NSL1: variants seen among roughly 807,000 people sequenced by gnomAD.
NSL1 encodes the protein kinetochore-associated protein NSL1 homolog.
In NSL1, 11 loss-of-function variants were observed where a neutral mutation model predicts 25.4. The ratio of observed to expected loss-of-function variants is 0.43; its 90% CI spans 0.27 to 0.72. The LOEUF (loss-of-function observed/expected upper bound fraction) is 0.72. Ranked by LOEUF, NSL1 falls within the 30% of genes least tolerant of loss-of-function variation. NSL1 has a pLI of 0.19. For synonymous variants in NSL1, 118 were observed against 120.6 expected (o/e 0.98, Z 0.14); for missense variants, 330 against 342.7 (o/e 0.96, Z 0.29).
chr1:212,732,206 C>G lies in NSL1; in HGVS notation c.*6202G>C. 1.0e-6 allele frequency: 1 copy of G among 982,892 alleles called. No individual in the cohort carries two copies. Among genetic ancestry groups the G allele is most frequent in the Non-Finnish European group, 1.2e-6 (1 of 827,806 alleles). The allele number at this position is 982,892 out of a possible 1,614,324, so 60.9% of individuals were successfully genotyped here. A position where few individuals can be genotyped will look rare whatever the true frequency, so the allele number is the denominator to read the frequency against. ...TTTTTGTTTCTTTGAACATCTTAATCATATTACAAAACATCTCCTTTATAC... is the reference window on the plus strand; with the variant it reads ...TTTTTGTTTCTTTGAACATCTTAATGATATTACAAAACATCTCCTTTATAC... On this transcript the variant is annotated 3_prime_UTR_variant, in exon 6 of 6. Coordinates refer to ENST00000366977, the MANE Select transcript of NSL1 (RefSeq NM_015471.4).
intron 1 of NSL1, 49 bp from the exon 2 acceptor site, chr1:212,787,686 T>A: frequency 1.5e-6 from 2 of 1,325,752 alleles, no homozygotes; most frequent in Middle Eastern, 1.9e-4. Flanking sequence ...TTTTAAATAC[T>A]AAATTCAAAC....
chr1:212,771,993 T>C (rs1026311593), intron 4 of NSL1, among the ~76,000 whole-genome samples: 1 of 152,168 alleles, frequency 6.6e-6, no homozygotes, highest in Non-Finnish European at 1.5e-5. Flanking sequence ...CATACTGCTC[T>C]TGTAACAGTG....
intron 4 of NSL1, among the ~76,000 whole-genome samples, chr1:212,772,182 C>A (rs928016509): frequency 6.6e-6 from 1 of 152,170 alleles, no homozygotes; most frequent in Non-Finnish European, 1.5e-5. Context: ...ATAAATTACC[C>A]AGTGTCAGGT....
At chr1:212,766,413 T>C (rs1457289314) in intron 4 of NSL1, 1 of 422,596 alleles carries the variant, frequency 2.4e-6, no homozygotes, top group African/African-American at 2.1e-5. Flanking sequence ...GCCAGTGATA[T>C]GATCGTATAC....
At chr1:212,778,366 A>G (rs1660477560) in intron 4 of NSL1, among the ~76,000 whole-genome samples, 1 of 152,186 alleles carries the variant, frequency 6.6e-6, no homozygotes. Flanking sequence ...TGAAAAACAG[A>G]CAACCCTCTT....
At chr1:212,741,111 C>T (rs1370735913) in intron 4 of NSL1, among the ~76,000 whole-genome samples, 2 of 151,998 alleles carry the variant, frequency 1.3e-5, no homozygotes, top group African/African-American at 4.8e-5. Flanking sequence ...AGGATCCTTG[C>T]CTTGAAATAA....
chr1:212,752,562 TA>T (rs11308975), intron 4 of NSL1, among the ~76,000 whole-genome samples: 95,715 of 151,936 alleles, frequency 0.63, 30,673 homozygotes, highest in Non-Finnish European at 0.69. Context: ...AAAGAACTTT[TA>T]AAAAAAGGCA....
rs1657853660 is a variant in NSL1, at chr1:212,727,941, T to C, written c.*10467A>G. Reference sequence around the variant, plus strand: ...CAACGAGGTCGCTGTGGTGTAGCGGTGAGAGCGTCTGAGACTCTGGACAAG... The same window carrying C: ...CAACGAGGTCGCTGTGGTGTAGCGGCGAGAGCGTCTGAGACTCTGGACAAG... On this transcript the variant is annotated 3_prime_UTR_variant, in exon 6 of 6. Coordinates refer to ENST00000366977, the MANE Select transcript of NSL1 (RefSeq NM_015471.4). 1.0e-6 allele frequency: 1 copy of C among 985,390 alleles called. No individual in the cohort carries two copies. The allele number at this position is 985,390 out of a possible 1,614,324, so 61.0% of individuals were successfully genotyped here. A position where few individuals can be genotyped will look rare whatever the true frequency, so the allele number is the denominator to read the frequency against.
chr1:212,738,023 T>TC lies in NSL1; in HGVS notation c.*384dup. ...CGAAAAATCATTATACAGCTCTCTC[T>TC]CTTTTTTTTTTTTTTCCTAGAAAGA... On this transcript the variant is annotated 3_prime_UTR_variant, in exon 6 of 6. Coordinates refer to ENST00000366977, the MANE Select transcript of NSL1 (RefSeq NM_015471.4). 1 of 932,378 alleles carries TC rather than the reference T, an allele frequency of 1.1e-6. No individual in the cohort carries two copies. The highest frequency in any genetic ancestry group is 1.2e-6 in the Non-Finnish European group (1 of 803,386). 57.8% of individuals were successfully genotyped at this position (932,378 alleles called of 1,614,324 possible).
chr1:212,776,120 A>G (rs1660355338), intron 4 of NSL1, among the ~76,000 whole-genome samples: 1 of 152,158 alleles, frequency 6.6e-6, no homozygotes, highest in African/African-American at 2.4e-5. Flanking sequence ...CAGCCCGTAA[A>G]TTGTGTTTTT....
intron 4 of NSL1, among the ~76,000 whole-genome samples, chr1:212,762,025 C>T (rs113674097): frequency 0.02 from 2,989 of 150,124 alleles, 113 homozygotes; most frequent in African/African-American, 0.07. Context: ...CAGCTGGGCG[C>T]GGTGGCTCAT....
chr1:212,791,592 G>A lies in NSL1; in HGVS notation c.172C>T (p.Gln58Ter), dbSNP rs746294820. Residue 58 changes from glutamine (Q) to a stop codon, truncating the protein, a stop_gained, in exon 1 of 6, where the codon CAA becomes TAA. Coordinates refer to ENST00000366977, the MANE Select transcript of NSL1 (RefSeq NM_015471.4). LOFTEE classifies it high-confidence loss of function. ...TCCGGCAGAGCGTCCCCGAGCTTTT[G>A]CACGAAGCGGCCGCACAGTTGTAGC... ...EMLQLCGRFV[Q>*]KLGDALPEEI... 1.2e-6 allele frequency: 2 copies of A among 1,613,902 alleles called. No homozygotes were observed. Among genetic ancestry groups the A allele is most frequent in the East Asian group, 4.5e-5 (2 of 44,878 alleles).
chr1:212,744,545 G>A (rs890531659), intron 4 of NSL1, among the ~76,000 whole-genome samples: 6 of 152,102 alleles, frequency 3.9e-5, no homozygotes, highest in Non-Finnish European at 7.4e-5. Flanking sequence ...TCACTGAGGA[G>A]GTTCAGACAC....
intron 4 of NSL1, among the ~76,000 whole-genome samples, chr1:212,769,046 A>AAAAC (rs36071839): frequency 0.22 from 33,943 of 151,154 alleles, 4,494 homozygotes; most frequent in African/African-American, 0.37. Flanking sequence ...ACCCTGTCTC[A>AAAAC]AAACAAACAA....
rs1657944242 is a variant in NSL1, at chr1:212,729,960, A to AATGAAATG, written c.*8440_*8447dup. 114 of 984,780 alleles carry AATGAAATG rather than the reference A, an allele frequency of 1.2e-4. 3 individuals are homozygous for AATGAAATG. In the South Asian group the frequency reaches 4.9e-3, roughly 42 times the overall value. The allele number at this position is 984,780 out of a possible 1,614,324, so 61.0% of individuals were successfully genotyped here. A position where few individuals can be genotyped will look rare whatever the true frequency, so the allele number is the denominator to read the frequency against. ...CTCCGGAAGGATTTTTTTTTTTAAG[A>AATGAAATG]ATGAAATGGGCCGGGCGTGGCGGCT... On this transcript the variant is annotated 3_prime_UTR_variant, in exon 6 of 6. Transcript: ENST00000366977.
intron 4 of NSL1, among the ~76,000 whole-genome samples, chr1:212,777,556 C>T (rs1321221186): frequency 6.6e-6 from 1 of 152,094 alleles, no homozygotes; most frequent in Non-Finnish European, 1.5e-5. Context: ...ATGATATGAT[C>T]AGTATGATAC....
chr1:212,728,882 G>A lies in NSL1; in HGVS notation c.*9526C>T, dbSNP rs1021929537. On this transcript the variant is annotated 3_prime_UTR_variant, in exon 6 of 6. Coordinates refer to ENST00000366977, the MANE Select transcript of NSL1 (RefSeq NM_015471.4). ...CAAGACTGGGAGTGCTGGGGGTGGG[G>A]AGGCCAGAGTCCACCACTCTGGCAA... 5 of 985,264 alleles carry A rather than the reference G, an allele frequency of 5.1e-6. No individual in the cohort carries two copies. Among genetic ancestry groups the A allele is most frequent in the Non-Finnish European group, 6.0e-6 (5 of 829,926 alleles). 61.0% of individuals were successfully genotyped at this position (985,264 alleles called of 1,614,324 possible).
At chr1:212,779,986 A>G (rs1406995534) in intron 4 of NSL1, among the ~76,000 whole-genome samples, 7 of 151,178 alleles carry the variant, frequency 4.6e-5, no homozygotes, top group African/African-American at 1.5e-4. Context: ...CCCGGCCGCC[A>G]CCCCGTCTGG....
chr1:212,747,212 T>C (rs1658839307), intron 4 of NSL1, among the ~76,000 whole-genome samples: 1 of 151,860 alleles, frequency 6.6e-6, no homozygotes, highest in Non-Finnish European at 1.5e-5. Flanking sequence ...TCTCCCACAG[T>C]GTACTAGGTC....
Sources: gnomAD v4.1 joint callset for allele counts (sites outside exome capture counted in the v4.1 genomes callset) on GRCh38, gnomAD v4.1.1 for gene constraint, MANE v1.5 for transcripts, NCBI Gene and HGNC (gene_info 2026-07-23, HGNC 2026-07-21) for gene names.